Variants in LIN52 observed in about 807,000 individuals in gnomAD.
LIN52 encodes the protein protein lin-52 homolog.
A neutral mutation model predicts 18.5 loss-of-function variants in LIN52; 4 were observed. That is an observed-to-expected ratio of 0.22 (90% CI 0.11 to 0.49). The LOEUF (loss-of-function observed/expected upper bound fraction) is 0.49, where lower values mean the gene tolerates loss of function less well. Ranked by LOEUF, LIN52 falls within the 20% of genes least tolerant of loss-of-function variation. The probability of loss-of-function intolerance (pLI) is 0.97; values close to 1 mark genes in which losing one functional copy is unlikely to be tolerated. For synonymous variants in LIN52, 34 were observed against 45.5 expected (o/e 0.75, Z 1.02); for missense variants, 102 against 139.5 (o/e 0.73, Z 1.35).
At chr14:74,136,915 A>T (rs1357470303) in intron 5 of LIN52, among the ~76,000 whole-genome samples, 3 of 152,108 alleles carry the variant, frequency 2.0e-5, no homozygotes, top group African/African-American at 7.2e-5. Context: ...ATTGGGTTAA[A>T]ATCCTTATGT....
At chr14:74,179,051 C>T (rs1289552085) in intron 5 of LIN52, among the ~76,000 whole-genome samples, 2 of 152,030 alleles carry the variant, frequency 1.3e-5, no homozygotes, top group Admixed American at 1.3e-4. Context: ...TACACTCCAG[C>T]CTGGGCAACA....
At chr14:74,112,792 C>T (rs1229720833) in intron 5 of LIN52, among the ~76,000 whole-genome samples, 2 of 151,950 alleles carry the variant, frequency 1.3e-5, no homozygotes, top group Admixed American at 1.3e-4. Context: ...AATTACTGCC[C>T]TCTTGTAGAT....
At chr14:74,191,185 A>G (rs925474593) in intron 5 of LIN52, among the ~76,000 whole-genome samples, 1 of 152,192 alleles carries the variant, frequency 6.6e-6, no homozygotes, top group Non-Finnish European at 1.5e-5. Context: ...CAGCATTATA[A>G]ATCACATTGC....
At chr14:74,165,317 T>C (rs971946007) in intron 5 of LIN52, among the ~76,000 whole-genome samples, 7 of 151,982 alleles carry the variant, frequency 4.6e-5, no homozygotes, top group African/African-American at 1.7e-4. Context: ...GGGAAGTCAA[T>C]AGAAAATGCC....
chr14:74,193,467 G>A (rs1222710904), intron 5 of LIN52, among the ~76,000 whole-genome samples: 1 of 151,786 alleles, frequency 6.6e-6, no homozygotes, highest in Non-Finnish European at 1.5e-5. Flanking sequence ...GAATTTTGGT[G>A]TTTTTCACGT....
chr14:74,087,689 T>A (rs1050951394), intron 1 of LIN52, among the ~76,000 whole-genome samples: 1 of 152,198 alleles, frequency 6.6e-6, no homozygotes, highest in Admixed American at 6.5e-5. Context: ...CTTTAAAATT[T>A]AATTCAGATA....
chr14:74,124,530 G>C (rs2061017057), intron 5 of LIN52, among the ~76,000 whole-genome samples: 1 of 152,092 alleles, frequency 6.6e-6, no homozygotes, highest in Non-Finnish European at 1.5e-5. Context: ...GAGGCTCCTG[G>C]GTAGGTGTAG....
chr14:74,104,292 G>C (rs1311405851), intron 5 of LIN52, among the ~76,000 whole-genome samples: 1 of 152,098 alleles, frequency 6.6e-6, no homozygotes, highest in African/African-American at 2.4e-5. Context: ...TAGCCAATCA[G>C]GGTTTAGATT....
chr14:74,094,068 A>AT (rs977862116), intron 2 of LIN52, among the ~76,000 whole-genome samples: 16 of 149,522 alleles, frequency 1.1e-4, no homozygotes, highest in East Asian at 2.0e-4. Context: ...TATAAGAGGG[A>AT]TTTTTTTTTT....
intron 1 of LIN52, among the ~76,000 whole-genome samples, chr14:74,090,826 G>A (rs2060768398): frequency 2.0e-5 from 3 of 152,136 alleles, no homozygotes; most frequent in African/African-American, 4.8e-5. Context: ...GAAACTGATG[G>A]TACCTGAGAA....
intron 4 of LIN52, among the ~76,000 whole-genome samples, chr14:74,100,092 A>C (rs2060842952): frequency 6.6e-6 from 1 of 152,178 alleles, no homozygotes; most frequent in Admixed American, 6.5e-5. Context: ...GAAATGGGGA[A>C]TAGTAAGTGT....
At chr14:74,088,352 A>G (rs1317706816) in intron 1 of LIN52, among the ~76,000 whole-genome samples, 1 of 152,018 alleles carries the variant, frequency 6.6e-6, no homozygotes, top group African/African-American at 2.4e-5. Context: ...CGGCCTCCCA[A>G]AGTGCTAGGA....
At chr14:74,169,619 T>G (rs2061262734) in intron 5 of LIN52, among the ~76,000 whole-genome samples, 1 of 152,208 alleles carries the variant, frequency 6.6e-6, no homozygotes, top group Non-Finnish European at 1.5e-5. Context: ...ATTTATGATG[T>G]TAGTTGCAAT....
intron 5 of LIN52, among the ~76,000 whole-genome samples, chr14:74,153,795 C>T (rs1776206713): frequency 6.6e-6 from 1 of 152,160 alleles, no homozygotes; most frequent in Admixed American, 6.6e-5. Flanking sequence ...CCACCCGCCT[C>T]TGCCTCCCAA....
chr14:74,184,500 C>A (rs145048917), intron 5 of LIN52, among the ~76,000 whole-genome samples: 20 of 152,208 alleles, frequency 1.3e-4, no homozygotes, highest in African/African-American at 4.6e-4. Flanking sequence ...GGCAAGAATG[C>A]TTCATAATGG....
At chr14:74,179,524 T>A (rs1170379604) in intron 5 of LIN52, among the ~76,000 whole-genome samples, 1 of 151,960 alleles carries the variant, frequency 6.6e-6, no homozygotes, top group African/African-American at 2.4e-5. Context: ...CTGTGCGTGG[T>A]GGCACATGCC....
intron 2 of LIN52, among the ~76,000 whole-genome samples, 169 bp from the exon 3 acceptor site, chr14:74,095,779 G>C (rs992904426): frequency 6.6e-5 from 10 of 152,052 alleles, no homozygotes; most frequent in African/African-American, 2.4e-4. Flanking sequence ...TCTTGCCATA[G>C]TCCTGGCATC....
chr14:74,124,322 GC>G (rs1257712167), intron 5 of LIN52, among the ~76,000 whole-genome samples: 1 of 152,154 alleles, frequency 6.6e-6, no homozygotes, highest in Non-Finnish European at 1.5e-5. Flanking sequence ...TTCATGGAGA[GC>G]CTTTGTAAAA....
At chr14:74,093,392 T>C (rs746963070) in intron 2 of LIN52, among the ~76,000 whole-genome samples, 3 of 146,772 alleles carry the variant, frequency 2.0e-5, no homozygotes, top group Non-Finnish European at 3.0e-5. Flanking sequence ...AATGGTGCAG[T>C]CTTGGCTCAC....
Sources: gnomAD v4.1 joint callset for allele counts (sites outside exome capture counted in the v4.1 genomes callset) on GRCh38, gnomAD v4.1.1 for gene constraint, MANE v1.5 for transcripts, NCBI Gene and HGNC (gene_info 2026-07-23, HGNC 2026-07-21) for gene names.